The following SFMBT2 variants were observed in gnomAD, a reference collection of about 807,000 sequenced individuals.
The protein encoded by SFMBT2 is scm-like with four MBT domains protein 2.
In SFMBT2, 38 loss-of-function variants were observed where a neutral mutation model predicts 110.1. That is an observed-to-expected ratio of 0.35 (90% CI 0.27 to 0.45). SFMBT2 has a LOEUF of 0.45. SFMBT2 is among the 20% of genes least tolerant of loss of function. The probability of loss-of-function intolerance (pLI) is 1.00; values close to 1 mark genes in which losing one functional copy is unlikely to be tolerated. For missense variants in SFMBT2, 1,011 were observed against 1,094.9 expected (o/e 0.92, Z 1.08); for synonymous variants, 425 against 425.4 (o/e 1.00, Z 0.01).
At chr10:7,237,421 G>A (rs543331204) in intron 9 of SFMBT2, among the ~76,000 whole-genome samples, 17 of 152,272 alleles carry the variant, frequency 1.1e-4, no homozygotes, top group East Asian at 9.6e-4. Flanking sequence ...TATGCATAGC[G>A]CATTATATAT....
chr10:7,163,842 C>A lies in SFMBT2; in HGVS notation c.2613G>T (p.Leu871=). The change falls in exon 21 of 21, where the codon CTG becomes CTT. Residue 871 remains leucine (L), a synonymous_variant. Coordinates refer to ENST00000397167, the MANE Select transcript of SFMBT2 (RefSeq NM_001387889.1). This position sits in a 1 kb window ranked among gnomAD's most constrained non-coding sequence, Gnocchi z 4.8. ...GGTGGCATAACTTGATGGCAGGCCC[C>A]AGCTTCAGCTCCATGCACTCCTGCA... The part of the protein sequence containing the change: ...PTVQECMELK[L]GPAIKLCHQI... The A allele has an allele frequency of 6.2e-7, 1 of 1,614,204 alleles. No homozygotes were observed. The highest frequency in any genetic ancestry group is 1.1e-5 in the South Asian group (1 of 91,084).
intron 11 of SFMBT2, among the ~76,000 whole-genome samples, chr10:7,210,728 G>T (rs541727009): frequency 6.6e-6 from 1 of 152,236 alleles, no homozygotes; most frequent in East Asian, 1.9e-4. Flanking sequence ...CCCTCTGGGC[G>T]TGTTCCCTTT....
intron 17 of SFMBT2, 102 bp downstream of exon 17, chr10:7,175,888 A>T: frequency 7.4e-6 from 8 of 1,083,170 alleles, no homozygotes; most frequent in Non-Finnish European, 1.1e-5. Context: ...ACTAGTCAAA[A>T]GGTTCAAAAA....
chr10:7,322,698 G>C (rs1034157321), intron 4 of SFMBT2, among the ~76,000 whole-genome samples: 1 of 152,080 alleles, frequency 6.6e-6, no homozygotes, highest in African/African-American at 2.4e-5. Context: ...GGGGACAGTG[G>C]GGAGGCGAAT....
intron 7 of SFMBT2, among the ~76,000 whole-genome samples, chr10:7,268,357 T>C (rs1045592680): frequency 8.5e-5 from 13 of 152,192 alleles, no homozygotes; most frequent in African/African-American, 3.1e-4. Flanking sequence ...AAACCCTTCC[T>C]AGTAGTCCTT....
intron 4 of SFMBT2, among the ~76,000 whole-genome samples, chr10:7,304,854 C>A (rs1030146651): frequency 6.6e-6 from 1 of 152,144 alleles, no homozygotes; most frequent in African/African-American, 2.4e-5. Context: ...CCACCCTGTG[C>A]CTAAAGGAGA....
chr10:7,320,371 G>A (rs1564438638), intron 4 of SFMBT2, among the ~76,000 whole-genome samples: 4 of 152,306 alleles, frequency 2.6e-5, no homozygotes, highest in South Asian at 4.1e-4. Flanking sequence ...GAAACAAGCC[G>A]GAGGGTCAGA....
At chr10:7,285,999 A>G (rs551927803) in intron 4 of SFMBT2, 45 bp from the exon 5 acceptor site, 2 of 832,174 alleles carry the variant, frequency 2.4e-6, no homozygotes, top group Admixed American at 3.5e-5. Flanking sequence ...AACAAAAAAA[A>G]CACTTCAACA....
intron 4 of SFMBT2, among the ~76,000 whole-genome samples, chr10:7,333,592 A>T (rs1843627116): frequency 6.6e-6 from 1 of 151,566 alleles, no homozygotes; most frequent in Non-Finnish European, 1.5e-5. Flanking sequence ...GGGGTGTATT[A>T]GTATTTTCTC....
At chr10:7,183,880 C>T (rs1219961205) in intron 16 of SFMBT2, among the ~76,000 whole-genome samples, 1 of 152,200 alleles carries the variant, frequency 6.6e-6, no homozygotes, top group African/African-American at 2.4e-5. Context: ...AACGACTGAC[C>T]CACCCTCTGA....
At chr10:7,284,529 C>G in intron 5 of SFMBT2, 1 of 533,108 alleles carries the variant, frequency 1.9e-6, no homozygotes, top group East Asian at 1.2e-4. Flanking sequence ...AAACGGTCTA[C>G]TTTTCCAACA....
At position 7,170,879 on chromosome 10, in the gene SFMBT2, A is replaced by G. The variant is rs779290101; in HGVS notation, c.2544+49T>C. ...GGCTAGGACACGAGGTTCATTTCAG[A>G]TGCAGAGTCTCAGCACATCAAACAA... is the stretch of plus-strand genomic sequence containing the variant. On this transcript the variant is annotated intron_variant, in intron 20 of 20. Coordinates refer to ENST00000397167, the MANE Select transcript of SFMBT2 (RefSeq NM_001387889.1). This position sits in a 1 kb window ranked among gnomAD's most constrained non-coding sequence, Gnocchi z 4.6. 3.1e-6 allele frequency: 5 copies of G among 1,611,972 alleles called. No individual in the cohort carries two copies. Among genetic ancestry groups the G allele is most frequent in the Non-Finnish European group, 4.2e-6 (5 of 1,178,424 alleles).
intron 4 of SFMBT2, among the ~76,000 whole-genome samples, chr10:7,351,496 C>T (rs1252868304): frequency 6.6e-6 from 1 of 152,160 alleles, no homozygotes; most frequent in African/African-American, 2.4e-5. Flanking sequence ...CTGCAGGTCA[C>T]AAAGTTGAGA....
chr10:7,250,124 T>C (rs1462240792), intron 7 of SFMBT2, among the ~76,000 whole-genome samples: 1 of 152,190 alleles, frequency 6.6e-6, no homozygotes, highest in African/African-American at 2.4e-5. Flanking sequence ...AATTTATTTA[T>C]TTTTAGGTTT....
At chr10:7,286,185 G>GA (rs1842081923) in intron 4 of SFMBT2, among the ~76,000 whole-genome samples, 1 of 152,228 alleles carries the variant, frequency 6.6e-6, no homozygotes. Context: ...CCAAGGAGAT[G>GA]AAAGAATCCG....
At chr10:7,207,530 GAGGA>G (rs1238885806) in intron 11 of SFMBT2, 9 of 29,050 alleles carry the variant, frequency 3.1e-4, no homozygotes, top group Non-Finnish European at 3.9e-4. Context: ...GGGAGGGAGG[GAGGA>G]AGGAAGGAAG....
At chr10:7,286,263 G>A (rs975578390) in intron 4 of SFMBT2, 2 of 205,088 alleles carry the variant, frequency 9.8e-6, no homozygotes, top group Non-Finnish European at 1.7e-5. Context: ...CAATTCAGGA[G>A]GTTCCAAGGA....
chr10:7,311,757 C>T (rs1366079513), intron 4 of SFMBT2, among the ~76,000 whole-genome samples: 1 of 152,160 alleles, frequency 6.6e-6, no homozygotes, highest in Non-Finnish European at 1.5e-5. Context: ...AATTTATCTG[C>T]TGTAAATACA....
chr10:7,342,440 G>A (rs373304458), intron 4 of SFMBT2, among the ~76,000 whole-genome samples: 102 of 109,598 alleles, frequency 9.3e-4, no homozygotes, highest in African/African-American at 3.2e-3. Context: ...ACAGAGTCTC[G>A]CTCTGTCGCC....
Sources: allele counts gnomAD v4.1 joint callset (sites outside exome capture counted in the v4.1 genomes callset), GRCh38; gene constraint gnomAD v4.1.1; non-coding constraint Gnocchi (gnomAD v3.1); transcripts MANE v1.5; gene names NCBI Gene and HGNC (gene_info 2026-07-23, HGNC 2026-07-21).